Variants in CDH4 observed in about 807,000 individuals in gnomAD.
The protein encoded by CDH4 is cadherin-4.
A neutral mutation model predicts 86.0 loss-of-function variants in CDH4; 33 were observed. The observed-to-expected ratio is 0.38, with a 90% CI of 0.29 to 0.51. The LOEUF is 0.51. Ranked by LOEUF, CDH4 falls within the 20% of genes least tolerant of loss-of-function variation. The probability of loss-of-function intolerance (pLI) is 0.86; values close to 1 mark genes in which losing one functional copy is unlikely to be tolerated. For synonymous variants in CDH4, 555 were observed against 549.4 expected, an observed-to-expected ratio of 1.01 and a Z score of -0.14; for missense variants, 1,114 against 1,307.4, an observed-to-expected ratio of 0.85 and a Z score of 2.28.
intron 2 of CDH4, among the ~76,000 whole-genome samples, chr20:61,298,683 T>C (rs2084369763): frequency 7.6e-6 from 1 of 131,984 alleles, no homozygotes; most frequent in South Asian, 2.5e-4. Flanking sequence ...AATTCTACTA[T>C]AATCATCACC....
chr20:61,329,349 C>CCCGTGGGTCTGGGACGCGGG (rs1568799915), intron 2 of CDH4, among the ~76,000 whole-genome samples: 2 of 150,832 alleles, frequency 1.3e-5, no homozygotes, highest in Non-Finnish European at 3.0e-5. Context: ...TCATGGTTCC[C>CCCGTGGGTCTGGGACGCGGG]TCGTGGGTCT....
At chr20:61,667,361 A>G (rs868127316) in intron 2 of CDH4, among the ~76,000 whole-genome samples, 8 of 152,328 alleles carry the variant, frequency 5.3e-5, no homozygotes, top group Middle Eastern at 3.4e-3. Flanking sequence ...CCATTCTGTG[A>G]GCCAGGGACC....
intron 4 of CDH4, among the ~76,000 whole-genome samples, chr20:61,793,097 G>A (rs1331484032): frequency 6.6e-6 from 1 of 152,042 alleles, no homozygotes. Context: ...AGAGTAACTG[G>A]GATTACAAGC....
chr20:61,658,273 CCAT>C (rs1378886625), intron 2 of CDH4, among the ~76,000 whole-genome samples: 1 of 152,024 alleles, frequency 6.6e-6, no homozygotes, highest in Admixed American at 6.6e-5. Context: ...CCCCGAGTCA[CCAT>C]CCTCTCCGAG....
intron 2 of CDH4, among the ~76,000 whole-genome samples, chr20:61,376,840 G>T (rs998292991): frequency 3.3e-5 from 5 of 152,302 alleles, no homozygotes; most frequent in African/African-American, 1.2e-4. Context: ...ATTGGCACCG[G>T]GAGGCACTAC....
chr20:61,905,613 C>T (rs1167853043), intron 8 of CDH4, among the ~76,000 whole-genome samples: 1 of 152,216 alleles, frequency 6.6e-6, no homozygotes, highest in Non-Finnish European at 1.5e-5. Flanking sequence ...TGCAAGGGTG[C>T]TAGCCACACC....
chr20:61,295,953 G>A (rs988834858), intron 2 of CDH4, among the ~76,000 whole-genome samples: 2 of 152,196 alleles, frequency 1.3e-5, no homozygotes, highest in Non-Finnish European at 2.9e-5. Context: ...CATGGGTATC[G>A]CGGAGGCCGT....
At chr20:61,746,729 A>C (rs570876283) in intron 3 of CDH4, among the ~76,000 whole-genome samples, 1 of 152,372 alleles carries the variant, frequency 6.6e-6, no homozygotes, top group African/African-American at 2.4e-5. Flanking sequence ...GGGTGCTGGT[A>C]TTTCATGAGG....
intron 2 of CDH4, among the ~76,000 whole-genome samples, chr20:61,507,378 A>C (rs1476470008): frequency 8.5e-5 from 13 of 152,154 alleles, no homozygotes; most frequent in Non-Finnish European, 1.6e-4. Context: ...TTTAGCTCTT[A>C]TTGGAAGCCA....
At chr20:61,805,188 T>C (rs1980059532) in intron 4 of CDH4, among the ~76,000 whole-genome samples, 1 of 152,196 alleles carries the variant, frequency 6.6e-6, no homozygotes, top group Admixed American at 6.5e-5. Context: ...AGGCTCTGCT[T>C]GGCCAGTCCT....
rs141659743 is a variant in CDH4, at chr20:61,829,302, T to C, written c.577-15366T>C. 9.0e-4 allele frequency among the ~76,000 whole-genome samples: 137 copies of C among 152,360 alleles called. No individual in the cohort carries two copies. The highest frequency in any genetic ancestry group is 3.1e-3 in the African/African-American group (131 of 41,590). ...GCTTCTTTCGCTGAGCATAATGTTTTCAAGGTTCAGCCATGCTGCAGCTCG... is the reference window on the plus strand; with the variant it reads ...GCTTCTTTCGCTGAGCATAATGTTTCCAAGGTTCAGCCATGCTGCAGCTCG... On this transcript the variant is annotated intron_variant, in intron 4 of 15. Coordinates refer to ENST00000614565, the MANE Select transcript of CDH4 (RefSeq NM_001794.5). This position sits in a 1 kb window ranked among gnomAD's most constrained non-coding sequence, Gnocchi z 4.2.
chr20:61,664,975 T>C (rs772105998), intron 2 of CDH4, among the ~76,000 whole-genome samples: 10 of 152,202 alleles, frequency 6.6e-5, no homozygotes, highest in South Asian at 2.1e-4. Flanking sequence ...GAAAATAAGT[T>C]TGACAGTTGA....
intron 2 of CDH4, among the ~76,000 whole-genome samples, chr20:61,401,763 A>G (rs1309803206): frequency 6.6e-6 from 1 of 152,212 alleles, no homozygotes; most frequent in Non-Finnish European, 1.5e-5. Context: ...GGGAGTAAAT[A>G]CAATGACTAG....
chr20:61,595,508 G>A (rs1306777361), intron 2 of CDH4, among the ~76,000 whole-genome samples: 1 of 152,238 alleles, frequency 6.6e-6, no homozygotes, highest in Non-Finnish European at 1.5e-5. Flanking sequence ...CGTCGTGTGG[G>A]AACACCCCGT....
Position 61,515,333 on chromosome 20 carries a change from C to T in CDH4, c.170-228230C>T, listed in dbSNP as rs536678535. Among the ~76,000 whole-genome samples, 103 of 152,294 alleles carry T rather than the reference C, an allele frequency of 6.8e-4. 1 individual carries two copies. The highest frequency in any genetic ancestry group is 2.2e-3 in the African/African-American group (92 of 41,566). The stretch of plus-strand genomic sequence containing the variant: ...GCAGGTCCCAGATTGTCAGAAAGGA[C>T]GCCGCAGTCCCCAAAAGCTGCATGT... On this transcript the variant is annotated intron_variant, in intron 2 of 15. Transcript: ENST00000614565.
chr20:61,755,921 C>A (rs904643977), intron 3 of CDH4, among the ~76,000 whole-genome samples: 32 of 152,330 alleles, frequency 2.1e-4, no homozygotes, highest in African/African-American at 7.7e-4. Flanking sequence ...GTATGGTCAG[C>A]AGCAAAGGAC....
chr20:61,520,882 A>G (rs2085863922), intron 2 of CDH4, among the ~76,000 whole-genome samples: 1 of 152,214 alleles, frequency 6.6e-6, no homozygotes, highest in African/African-American at 2.4e-5. Context: ...CAGAGTTCAA[A>G]CAGGCAACCG....
chr20:61,936,788 C>A lies in CDH4; in HGVS notation c.2596C>A (p.Leu866Met), dbSNP rs925788044. Reference protein sequence around the residue: ...DPTAPPYDSLLVFDYEGSGST... With the variant: ...DPTAPPYDSLMVFDYEGSGST... ...CACGGCACCCCCCTATGACTCCCTG[C>A]TGGTCTTCGACTACGAGGGGAGCGG... is the stretch of plus-strand genomic sequence containing the variant. Residue 866 changes from leucine (L) to methionine (M), a missense_variant, in exon 16 of 16, where the codon CTG (leucine) becomes ATG (methionine). Physicochemically the swap from Leu to Met is conservative, Grantham distance 15 (BLOSUM62 2). Around this residue, in one of 3 missense-constraint regions of CDH4, gnomAD observed 188 missense variants for 183.8 expected, o/e 1.02. Coordinates refer to ENST00000614565, the MANE Select transcript of CDH4 (RefSeq NM_001794.5). 2.5e-6 allele frequency: 4 copies of A among 1,610,544 alleles called. No homozygotes were observed. In the African/African-American group the frequency reaches 4.0e-5, roughly 16 times the overall value.
At chr20:61,357,170 T>C (rs1254476843) in intron 2 of CDH4, among the ~76,000 whole-genome samples, 1 of 152,250 alleles carries the variant, frequency 6.6e-6, no homozygotes, top group Non-Finnish European at 1.5e-5. Context: ...TGTGTTGAGC[T>C]GAAACCTGCC....
Sources: allele counts gnomAD v4.1 joint callset (sites outside exome capture counted in the v4.1 genomes callset), GRCh38; gene constraint gnomAD v4.1.1; regional missense constraint gnomAD v4.1.1; non-coding constraint Gnocchi (gnomAD v3.1); transcripts MANE v1.5; gene names NCBI Gene and HGNC (gene_info 2026-07-23, HGNC 2026-07-21).